Variants in CADM1 observed in about 807,000 individuals in gnomAD.
CADM1 encodes the protein cell adhesion molecule 1.
A neutral mutation model predicts 53.1 loss-of-function variants in CADM1; 15 were observed. The observed-to-expected ratio is 0.28, with a 90% CI of 0.19 to 0.44. The LOEUF (loss-of-function observed/expected upper bound fraction) is 0.44. Ranked by LOEUF, CADM1 falls within the 20% of genes least tolerant of loss-of-function variation. The pLI, the probability that CADM1 is intolerant of heterozygous loss-of-function variation, is 1.00. For synonymous variants in CADM1, 281 were observed against 243.0 expected, an observed-to-expected ratio of 1.16 and a Z score of -1.45; for missense variants, 434 against 611.3, an observed-to-expected ratio of 0.71 and a Z score of 3.06.
At chr11:115,270,298 G>C (rs1338422395) in intron 1 of CADM1, among the ~76,000 whole-genome samples, 1 of 152,152 alleles carries the variant, frequency 6.6e-6, no homozygotes. Flanking sequence ...TTATCCCTAT[G>C]ATAAAGGCAG....
At chr11:115,452,929 A>G (rs919292411) in intron 1 of CADM1, among the ~76,000 whole-genome samples, 5 of 152,202 alleles carry the variant, frequency 3.3e-5, no homozygotes, top group Non-Finnish European at 7.3e-5. Context: ...AGGAGGTATC[A>G]TTGCTTTCTT....
At position 115,307,337 on chromosome 11, in the gene CADM1, A is replaced by C. The variant is rs571281090; in HGVS notation, c.125-66917T>G. 8.5e-5 allele frequency among the ~76,000 whole-genome samples: 13 copies of C among 152,056 alleles called. 1 individual carries two copies. The highest frequency in any genetic ancestry group is 8.3e-4 in the South Asian group (4 of 4,828). On this transcript the variant is annotated intron_variant, in intron 1 of 11. Transcript: ENST00000331581. ...AAAAGTTTAAATGTCCCAGGTATCC[A>C]GATCTTGCAAATCAGAAAACATGTT...
chr11:115,369,026 TAAAAAAAAAAAAAAA>T (rs552309443), intron 1 of CADM1, among the ~76,000 whole-genome samples: 592 of 44,774 alleles, frequency 0.013, 27 homozygotes, highest in African/African-American at 0.019. Flanking sequence ...AAAAAAAATC[TAAAAAAAAAAAAAAA>T]AAAAAAAAAA....
intron 1 of CADM1, among the ~76,000 whole-genome samples, chr11:115,495,288 A>G (rs1949585326): frequency 6.6e-6 from 1 of 152,236 alleles, no homozygotes. Context: ...TTATACAGCC[A>G]TATTCAGCAA....
chr11:115,324,442 CT>C (rs1565365488), intron 1 of CADM1, among the ~76,000 whole-genome samples: 1 of 152,118 alleles, frequency 6.6e-6, no homozygotes, highest in African/African-American at 2.4e-5. Flanking sequence ...AGCACTAGTA[CT>C]TTTACATGCT....
intron 1 of CADM1, among the ~76,000 whole-genome samples, chr11:115,318,438 A>C (rs1944732441): frequency 6.6e-6 from 1 of 152,196 alleles, no homozygotes; most frequent in Admixed American, 6.6e-5. Flanking sequence ...ATTTACCCTG[A>C]AGATGAAACT....
At chr11:115,261,720 T>C (rs921669042) in intron 1 of CADM1, among the ~76,000 whole-genome samples, 1 of 152,218 alleles carries the variant, frequency 6.6e-6, no homozygotes, top group Non-Finnish European at 1.5e-5. Context: ...AAAATATTTG[T>C]TCTTGTTTCA....
chr11:115,235,662 T>C (rs984511655), intron 3 of CADM1, among the ~76,000 whole-genome samples: 1 of 152,168 alleles, frequency 6.6e-6, no homozygotes, highest in Non-Finnish European at 1.5e-5. Context: ...TCACATTAAT[T>C]ACAACAAAAG....
chr11:115,424,874 A>G (rs1218768541), intron 1 of CADM1, among the ~76,000 whole-genome samples: 4 of 152,178 alleles, frequency 2.6e-5, no homozygotes, highest in African/African-American at 9.7e-5. Flanking sequence ...AACAAAACCC[A>G]TGATCCAGTA....
At chr11:115,413,274 T>C (rs553750867) in intron 1 of CADM1, among the ~76,000 whole-genome samples, 4 of 152,326 alleles carry the variant, frequency 2.6e-5, no homozygotes, top group Non-Finnish European at 4.4e-5. Context: ...TCAACAAATA[T>C]TTCTGAGATT....
chr11:115,484,783 T>TA (rs1443931621), intron 1 of CADM1, among the ~76,000 whole-genome samples: 1 of 151,664 alleles, frequency 6.6e-6, no homozygotes, highest in African/African-American at 2.4e-5. Context: ...CCATCTCTAC[T>TA]AAAAATACAA....
chr11:115,285,878 C>G (rs535575238), intron 1 of CADM1, among the ~76,000 whole-genome samples: 1 of 152,124 alleles, frequency 6.6e-6, no homozygotes, highest in Non-Finnish European at 1.5e-5. Flanking sequence ...AGCCTGAAAC[C>G]TTGGCACTCA....
intron 1 of CADM1, among the ~76,000 whole-genome samples, chr11:115,344,115 G>A (rs1945517413): frequency 6.6e-6 from 1 of 151,970 alleles, no homozygotes; most frequent in Non-Finnish European, 1.5e-5. Flanking sequence ...CTTACAATGT[G>A]ACTCAAGATG....
chr11:115,331,219 T>G (rs1399915811), intron 1 of CADM1, among the ~76,000 whole-genome samples: 2 of 152,210 alleles, frequency 1.3e-5, no homozygotes, highest in Non-Finnish European at 2.9e-5. Context: ...TCATAGCACT[T>G]CCACTCACTC....
intron 6 of CADM1, 151 bp from the exon 7 acceptor site, chr11:115,214,931 T>A: frequency 1.1e-6 from 1 of 870,678 alleles, no homozygotes; most frequent in African/African-American, 1.7e-5. Flanking sequence ...CAAAAATCTG[T>A]TTGGTATACA....
chr11:115,448,820 T>C (rs894516144), intron 1 of CADM1, among the ~76,000 whole-genome samples: 1 of 152,216 alleles, frequency 6.6e-6, no homozygotes, highest in African/African-American at 2.4e-5. Context: ...GAAGGTGTCA[T>C]GTATTATTGG....
chr11:115,443,076 TTGAAAA>T, intron 1 of CADM1, among the ~76,000 whole-genome samples: 1 of 152,238 alleles, frequency 6.6e-6, no homozygotes, highest in Non-Finnish European at 1.5e-5. Context: ...ACCTCTTTCA[TTGAAAA>T]TTAAGTTTAT....
intron 1 of CADM1, among the ~76,000 whole-genome samples, chr11:115,315,501 T>G (rs924403419): frequency 3.3e-5 from 5 of 152,148 alleles, no homozygotes; most frequent in South Asian, 4.1e-4. Context: ...GAATCTCAAC[T>G]ACTTATACAA....
chr11:115,384,541 T>C (rs537375836), intron 1 of CADM1, among the ~76,000 whole-genome samples: 69 of 152,308 alleles, frequency 4.5e-4, no homozygotes, highest in Non-Finnish European at 8.4e-4. Context: ...CATTTACAAA[T>C]GCTTCTTTGC....
Sources: gnomAD v4.1 joint callset for allele counts (sites outside exome capture counted in the v4.1 genomes callset) on GRCh38, gnomAD v4.1.1 for gene constraint, MANE v1.5 for transcripts, NCBI Gene and HGNC (gene_info 2026-07-23, HGNC 2026-07-21) for gene names.